FNIP1: variants seen among roughly 807,000 people sequenced by gnomAD.
The protein encoded by FNIP1 is folliculin-interacting protein 1.
In FNIP1, 40 loss-of-function variants were observed where a neutral mutation model predicts 124.5. That is an observed-to-expected ratio of 0.32 (90% CI 0.25 to 0.42). The LOEUF is 0.42. FNIP1 is among the 10% of genes least tolerant of loss of function. The pLI is 1.00. For missense variants in FNIP1, 1,176 were observed against 1,403.7 expected, an observed-to-expected ratio of 0.84 and a Z score of 2.59; for synonymous variants, 472 against 470.6, an observed-to-expected ratio of 1.00 and a Z score of -0.04.
rs201494979 is a variant in FNIP1, at chr5:131,672,393, G to A, written c.2051C>T (p.Thr684Ile). 6.5e-5 allele frequency: 105 copies of A among 1,614,076 alleles called. No homozygotes were observed. Among genetic ancestry groups the A allele is most frequent in the Non-Finnish European group, 6.0e-5 (71 of 1,180,028 alleles). ...ACATTTGTCTACTGGAACAGATCCT[G>A]TGCAAACAACTGTCTCTAACTTGGC... Reference protein sequence around the residue: ...FDAKLETVVCTGSVPVDKCAL... With the variant: ...FDAKLETVVCIGSVPVDKCAL... The change falls in exon 14 of 18, where the codon ACA (threonine) becomes ATA (isoleucine). Residue 684 changes from threonine (T) to isoleucine (I), a missense_variant. By Grantham distance (89) the Thr-to-Ile change is moderately conservative. This residue lies in a region of FNIP1 where 1,109 missense variants were observed against 1,288.5 expected (regional missense o/e 0.86). Coordinates refer to ENST00000510461, the MANE Select transcript of FNIP1 (RefSeq NM_133372.3).
chr5:131,758,920 A>G (rs1771136235), intron 1 of FNIP1, among the ~76,000 whole-genome samples: 1 of 152,290 alleles, frequency 6.6e-6, no homozygotes, highest in South Asian at 2.1e-4. Context: ...AGTGGGATGT[A>G]GCCCTCAAAA....
At chr5:131,685,989 A>C (rs950931006) in intron 11 of FNIP1, among the ~76,000 whole-genome samples, 1 of 152,216 alleles carries the variant, frequency 6.6e-6, no homozygotes, top group African/African-American at 2.4e-5. Flanking sequence ...TAAAGAGCAC[A>C]GGCACTGGTG....
chr5:131,750,639 GTC>G (rs1179644717), intron 1 of FNIP1, among the ~76,000 whole-genome samples: 9 of 149,416 alleles, frequency 6.0e-5, no homozygotes, highest in Non-Finnish European at 1.0e-4. Flanking sequence ...TTTAGACAGA[GTC>G]TCTCTCTGTC....
Position 131,695,153 on chromosome 5 carries a change from A to AAATAAAGC in FNIP1, c.1202+3763_1202+3764insGCTTTATT, listed in dbSNP as rs1333332410. On this transcript the variant is annotated intron_variant, in intron 11 of 17. Coordinates refer to ENST00000510461, the MANE Select transcript of FNIP1 (RefSeq NM_133372.3). ...TAAATAAATAAATAAATAAATAAAT[A>AAATAAAGC]AAGCATTAACTGGGAAAACTGTAGG... is the stretch of plus-strand genomic sequence containing the variant. Among the ~76,000 whole-genome samples the AAATAAAGC allele has an allele frequency of 5.3e-3, 753 of 141,022 alleles. 12 individuals carry two copies. Among genetic ancestry groups the AAATAAAGC allele is most frequent in the African/African-American group, 0.019 (729 of 39,234 alleles). 92.5% of individuals were successfully genotyped at this position (141,022 alleles called of 152,430 possible).
Position 131,744,679 on chromosome 5 carries a change from G to A in FNIP1, c.104C>T (p.Pro35Leu), listed in dbSNP as rs759667084. The A allele has an allele frequency of 1.1e-5, 18 of 1,605,372 alleles. 1 individual carries two copies. In the South Asian group the frequency reaches 1.9e-4, roughly 17 times the overall value. ...TCGAATCTGGCTTGGATCAAACTCT[G>A]GTAAAGGCCAACTTGAAAGAAAAGT... is the stretch of plus-strand genomic sequence containing the variant. ...DPDCGFSWPL[P>L]EFDPSQIRLI... The change falls in exon 2 of 18, where the codon CCA (proline) becomes CTA (leucine). Residue 35 changes from proline to leucine, a missense_variant. Physicochemically the swap from Pro to Leu is moderately conservative, Grantham distance 98. Coordinates refer to ENST00000510461, the MANE Select transcript of FNIP1 (RefSeq NM_133372.3).
rs535564361 is a variant in FNIP1, at chr5:131,734,409, TC to T, written c.220-3372del. On this transcript the variant is annotated intron_variant, in intron 2 of 17. Coordinates refer to ENST00000510461, the MANE Select transcript of FNIP1 (RefSeq NM_133372.3). ...GCTCTTGCTTCTCTAGTTCTTTTAA[TC>T]ATGTCTACATCACCAAAAGCAATGG... Among the ~76,000 whole-genome samples, 710 of 152,284 alleles carry T rather than the reference TC, an allele frequency of 4.7e-3. 8 individuals are homozygous for T. Among genetic ancestry groups the T allele is most frequent in the African/African-American group, 0.016 (674 of 41,556 alleles).
At chr5:131,733,683 T>C (rs1432863575) in intron 2 of FNIP1, among the ~76,000 whole-genome samples, 1 of 152,330 alleles carries the variant, frequency 6.6e-6, no homozygotes, top group South Asian at 2.1e-4. Flanking sequence ...TGAAGCCCAC[T>C]TGATCATGGT....
chr5:131,736,580 G>C (rs1770313247), intron 2 of FNIP1, among the ~76,000 whole-genome samples: 1 of 152,216 alleles, frequency 6.6e-6, no homozygotes, highest in Non-Finnish European at 1.5e-5. Context: ...ATTACCGCCT[G>C]CACTCCACCT....
chr5:131,721,536 C>T (rs538009470), intron 3 of FNIP1, among the ~76,000 whole-genome samples: 120 of 152,162 alleles, frequency 7.9e-4, no homozygotes, highest in African/African-American at 2.6e-3. Flanking sequence ...CGGTGGATCA[C>T]GCTTGTAATA....
At position 131,643,639 on chromosome 5, in the gene FNIP1, A is replaced by G. The variant is rs3775998; in HGVS notation, c.*1046T>C. 0.78 allele frequency: 118,752 copies of G among 152,302 alleles called. 46,416 individuals carry two copies. Among genetic ancestry groups the G allele is most frequent in the Middle Eastern group, 0.83 (243 of 294 alleles). The allele number at this position is 152,302 out of a possible 1,614,324, so 9.4% of individuals were successfully genotyped here. A position where few individuals can be genotyped will look rare whatever the true frequency, so the allele number is the denominator to read the frequency against. On this transcript the variant is annotated 3_prime_UTR_variant, in exon 18 of 18. Transcript: ENST00000510461. ...AAAAATACACTTTTGGAAGGGAGGG[A>G]CTCTTAGAAAAAAAGAGAATAATTT...
Position 131,744,662 on chromosome 5 carries a change from G to A in FNIP1, c.121C>T (p.Gln41Ter). ...SWPLPEFDPSQIRLIVYQDCE... is the reference protein window; with the variant it reads ...SWPLPEFDPS ...TCTTGATATACAATCAGTCGAATCT[G>A]GCTTGGATCAAACTCTGGTAAAGGC... Residue 41 changes from glutamine (Q) to a stop codon, truncating the protein, a stop_gained, in exon 2 of 18, where the codon CAG (glutamine) becomes TAG (stop). Coordinates refer to ENST00000510461, the MANE Select transcript of FNIP1 (RefSeq NM_133372.3). LOFTEE classifies it high-confidence loss of function. 6.2e-7 allele frequency: 1 copy of A among 1,607,814 alleles called. No individual in the cohort carries two copies. The highest frequency in any genetic ancestry group is 8.5e-7 in the Non-Finnish European group (1 of 1,176,928).
At chr5:131,670,973 G>A (rs538068175) in intron 14 of FNIP1, among the ~76,000 whole-genome samples, 8 of 152,122 alleles carry the variant, frequency 5.3e-5, no homozygotes, top group Non-Finnish European at 7.4e-5. Context: ...ATTGTACCTT[G>A]TGTTTGTAGC....
At chr5:131,719,102 T>A in intron 4 of FNIP1, 42 bp from the exon 5 acceptor site, 2 of 1,553,490 alleles carry the variant, frequency 1.3e-6, no homozygotes, top group Non-Finnish European at 1.8e-6. Context: ...AACTAAAATA[T>A]AATGACCTTT....
chr5:131,649,784 A>C (rs1766992415), intron 16 of FNIP1, among the ~76,000 whole-genome samples: 1 of 152,184 alleles, frequency 6.6e-6, no homozygotes, highest in Non-Finnish European at 1.5e-5. Context: ...TTTAGCTCTT[A>C]AATCTTTGAT....
At chr5:131,740,380 C>T (rs1305457356) in intron 2 of FNIP1, among the ~76,000 whole-genome samples, 1 of 152,186 alleles carries the variant, frequency 6.6e-6, no homozygotes, top group Non-Finnish European at 1.5e-5. Context: ...CTGTACGATG[C>T]TTCGGAGTGT....
chr5:131,651,918 T>G lies in FNIP1; in HGVS notation c.3190A>C (p.Ser1064Arg), dbSNP rs760591072. 1 of 1,614,208 alleles carries G rather than the reference T, an allele frequency of 6.2e-7. No individual in the cohort carries two copies. The highest frequency in any genetic ancestry group is 8.5e-7 in the Non-Finnish European group (1 of 1,180,046). Residue 1064 changes from serine to arginine, a missense_variant, in exon 16 of 18, where the codon AGC becomes CGC. This residue lies in a region of FNIP1 where 1,109 missense variants were observed against 1,288.5 expected (regional missense o/e 0.86). Coordinates refer to ENST00000510461, the MANE Select transcript of FNIP1 (RefSeq NM_133372.3). The part of the protein sequence containing the change: ...MDKWTVQVAS[S>R]QRRVTDNKLG... ...TTATTATCTGTCACTCGTCTCTGGCTACTGGCCACTTGAACAGTCCATTTA... is the reference window on the plus strand; with the variant it reads ...TTATTATCTGTCACTCGTCTCTGGCGACTGGCCACTTGAACAGTCCATTTA...
chr5:131,648,267 A>G (rs1468158981), intron 16 of FNIP1, among the ~76,000 whole-genome samples: 1 of 150,700 alleles, frequency 6.6e-6, no homozygotes, highest in Non-Finnish European at 1.5e-5. Context: ...GGGTGCATTG[A>G]GCCATGATTA....
intron 15 of FNIP1, among the ~76,000 whole-genome samples, chr5:131,669,214 A>G (rs1380165400): frequency 2.6e-5 from 4 of 152,312 alleles, no homozygotes; most frequent in African/African-American, 9.6e-5. Context: ...AGCAATTTAA[A>G]ATATTCTTAT....
intron 2 of FNIP1, among the ~76,000 whole-genome samples, chr5:131,733,520 T>G (rs1770175487): frequency 1.3e-5 from 2 of 152,238 alleles, no homozygotes; most frequent in African/African-American, 4.8e-5. Context: ...CCTAATTTAT[T>G]GAGAGTTTTT....
Sources: allele counts gnomAD v4.1 joint callset (sites outside exome capture counted in the v4.1 genomes callset), GRCh38; gene constraint gnomAD v4.1.1; regional missense constraint gnomAD v4.1.1; transcripts MANE v1.5; gene names NCBI Gene and HGNC (gene_info 2026-07-23, HGNC 2026-07-21).